Variants in THEMIS observed in about 807,000 individuals in gnomAD.
THEMIS encodes thymocyte selection associated, also known as protein THEMIS.
Under a neutral mutation model 52.6 loss-of-function variants are expected in THEMIS, and 37 were observed. The observed-to-expected ratio is 0.70, with a 90% CI of 0.54 to 0.93. The LOEUF is 0.93. Among genes scored for constraint, THEMIS ranks in the 40% least tolerant of loss-of-function variants. THEMIS has a pLI of 0.00. For synonymous variants in THEMIS, 292 were observed against 272.7 expected (o/e 1.07, Z -0.70); for missense variants, 808 against 763.1 (o/e 1.06, Z -0.69).
chr6:127,788,815 C>G (rs1378413093), intron 4 of THEMIS, among the ~76,000 whole-genome samples: 1 of 152,050 alleles, frequency 6.6e-6, no homozygotes, highest in Non-Finnish European at 1.5e-5. Flanking sequence ...TACATAAATA[C>G]AATGAACTTT....
At chr6:127,885,577 AG>A in intron 1 of THEMIS, among the ~76,000 whole-genome samples, 1 of 106,472 alleles carries the variant, frequency 9.4e-6, no homozygotes, top group African/African-American at 4.2e-5. Context: ...AGAAGAAGAA[AG>A]AAAAGGAAGA....
chr6:127,801,221 C>G (rs995811484), intron 4 of THEMIS, among the ~76,000 whole-genome samples: 1 of 152,106 alleles, frequency 6.6e-6, no homozygotes, highest in Non-Finnish European at 1.5e-5. Flanking sequence ...TTTGACCATA[C>G]GTAGAGAATA....
intron 4 of THEMIS, among the ~76,000 whole-genome samples, chr6:127,781,023 G>A (rs1400152662): frequency 2.0e-5 from 3 of 151,932 alleles, no homozygotes; most frequent in Admixed American, 6.6e-5. Context: ...TCACTTTCAG[G>A]TACACCAATC....
intron 1 of THEMIS, among the ~76,000 whole-genome samples, chr6:127,884,543 T>G (rs1780587414): frequency 6.6e-6 from 1 of 152,144 alleles, no homozygotes; most frequent in Admixed American, 6.6e-5. Flanking sequence ...CTGCCTTTCA[T>G]AAGCTGTCAA....
At chr6:127,875,354 G>A (rs2114401599) in intron 1 of THEMIS, among the ~76,000 whole-genome samples, 1 of 152,356 alleles carries the variant, frequency 6.6e-6, no homozygotes, top group Middle Eastern at 3.4e-3. Context: ...AGAAGCATGT[G>A]CATACAAGGT....
intron 4 of THEMIS, among the ~76,000 whole-genome samples, chr6:127,735,015 A>T (rs1457725551): frequency 6.8e-6 from 1 of 147,166 alleles, no homozygotes; most frequent in Non-Finnish European, 1.5e-5. Flanking sequence ...GAATTAAGAT[A>T]TTGTTTCTTA....
intron 4 of THEMIS, among the ~76,000 whole-genome samples, chr6:127,768,436 A>T (rs1009758450): frequency 1.3e-5 from 2 of 152,156 alleles, no homozygotes; most frequent in Admixed American, 6.6e-5. Context: ...TCAGTTTTCT[A>T]GTCTGAAGGG....
At chr6:127,743,372 C>T (rs1293717863) in intron 4 of THEMIS, among the ~76,000 whole-genome samples, 1 of 152,090 alleles carries the variant, frequency 6.6e-6, no homozygotes, top group Non-Finnish European at 1.5e-5. Flanking sequence ...AAAAAGTCTG[C>T]TTGACATTCA....
At chr6:127,707,815 T>C (rs75225722), downstream of THEMIS, among the ~76,000 whole-genome samples, 7,535 of 152,198 alleles carry the variant, frequency 0.05, 196 homozygotes, top group East Asian at 0.092. Context: ...TCTATTAAAA[T>C]CCTGGATGTA....
In THEMIS at chr6:127,813,917, T is replaced by C. The variant is rs371584445; in HGVS notation, c.724A>G (p.Ile242Val). 152 of 1,550,470 alleles carry C rather than the reference T, an allele frequency of 9.8e-5. No homozygotes were observed. The highest frequency in any genetic ancestry group is 1.3e-4 in the Non-Finnish European group (148 of 1,153,470). ...ACATCTAGACTGGGGAGGATGCGGA[T>C]TATATCTTTTCGAACTAAAAAGAAA... ...QGVMKFRKDI[I>V]RILPSLDVEV... Residue 242 changes from isoleucine (I) to valine (V), a missense_variant, in exon 4 of 6, where the codon ATC (isoleucine) becomes GTC (valine). Ile to Val is a conservative substitution (Grantham distance 29). Coordinates refer to ENST00000368248, the MANE Select transcript of THEMIS (RefSeq NM_001010923.3).
intron 4 of THEMIS, among the ~76,000 whole-genome samples, chr6:127,783,240 A>G (rs555236710): frequency 2.0e-5 from 3 of 152,324 alleles, no homozygotes; most frequent in African/African-American, 7.2e-5. Context: ...AAATTAACTC[A>G]ACATGGATTA....
At chr6:127,728,547 G>A (rs1477067070) in intron 4 of THEMIS, among the ~76,000 whole-genome samples, 1 of 152,152 alleles carries the variant, frequency 6.6e-6, no homozygotes, top group Non-Finnish European at 1.5e-5. Flanking sequence ...TAAATATTTA[G>A]TTAATTTATA....
At chr6:127,781,298 T>G (rs1027526199) in intron 4 of THEMIS, among the ~76,000 whole-genome samples, 8 of 152,022 alleles carry the variant, frequency 5.3e-5, no homozygotes, top group Admixed American at 1.3e-4. Flanking sequence ...CATCTAACCT[T>G]TTTTCAAGGT....
chr6:127,908,190 G>A (rs942937621), intron 1 of THEMIS, among the ~76,000 whole-genome samples: 6 of 151,978 alleles, frequency 3.9e-5, no homozygotes, highest in African/African-American at 1.4e-4. Flanking sequence ...CTAAATTAAT[G>A]TTTAATTGTC....
In THEMIS at chr6:127,776,449, C is replaced by T. The variant is rs1458551174; in HGVS notation, c.1758+36434G>A. Among the ~76,000 whole-genome samples, 9 of 152,340 alleles carry T rather than the reference C, an allele frequency of 5.9e-5. No homozygotes were observed. In the East Asian group the frequency reaches 1.7e-3, roughly 29 times the overall value. ...AGCCAGCTGCCATTTTGAGAGACAGCTCTGTGCAGAGGCTCATGTGACTGA... is the reference window on the plus strand; with the variant it reads ...AGCCAGCTGCCATTTTGAGAGACAGTTCTGTGCAGAGGCTCATGTGACTGA... On this transcript the variant is annotated intron_variant, in intron 4 of 5. Coordinates refer to ENST00000368248, the MANE Select transcript of THEMIS (RefSeq NM_001010923.3).
intron 4 of THEMIS, among the ~76,000 whole-genome samples, chr6:127,746,873 T>G (rs1775427306): frequency 1.6e-5 from 1 of 62,324 alleles, no homozygotes; most frequent in Non-Finnish European, 2.6e-5. Context: ...ATAATTATAT[T>G]ATATATAATT....
At chr6:127,878,171 TGC>T (rs1481125924) in intron 1 of THEMIS, among the ~76,000 whole-genome samples, 8 of 152,202 alleles carry the variant, frequency 5.3e-5, no homozygotes, top group African/African-American at 1.9e-4. Flanking sequence ...GTTCATTAGT[TGC>T]AAATATAACA....
intron 1 of THEMIS, among the ~76,000 whole-genome samples, chr6:127,855,526 A>C (rs113278431): frequency 1.3e-5 from 2 of 151,916 alleles, no homozygotes; most frequent in South Asian, 2.1e-4. Flanking sequence ...TGGGTCACAA[A>C]ATTAAGCTCA....
At chr6:127,788,347 A>C (rs1440763908) in intron 4 of THEMIS, among the ~76,000 whole-genome samples, 1 of 152,180 alleles carries the variant, frequency 6.6e-6, no homozygotes, top group Non-Finnish European at 1.5e-5. Flanking sequence ...AGGGATTGAC[A>C]CCAACCTAGT....
Sources: gnomAD v4.1 joint callset for allele counts (sites outside exome capture counted in the v4.1 genomes callset) on GRCh38, gnomAD v4.1.1 for gene constraint, MANE v1.5 for transcripts, NCBI Gene and HGNC (gene_info 2026-07-23, HGNC 2026-07-21) for gene names.